Variants in UHRF2 observed in about 807,000 individuals in gnomAD.
UHRF2 encodes E3 ubiquitin-protein ligase UHRF2.
Under a neutral mutation model 96.8 loss-of-function variants are expected in UHRF2, and 23 were observed. That is an observed-to-expected ratio of 0.24 (90% CI 0.17 to 0.34). The LOEUF is 0.34. UHRF2 is among the 10% of genes least tolerant of loss of function. The pLI, the probability that UHRF2 is intolerant of heterozygous loss-of-function variation, is 1.00. For synonymous variants in UHRF2, 385 were observed against 332.6 expected, an observed-to-expected ratio of 1.16 and a Z score of -1.72; for missense variants, 685 against 981.5, an observed-to-expected ratio of 0.70 and a Z score of 4.04.
chr9:6,426,927 T>G (rs1820292385), intron 2 of UHRF2, among the ~76,000 whole-genome samples: 1 of 152,020 alleles, frequency 6.6e-6, no homozygotes, highest in Non-Finnish European at 1.5e-5. Flanking sequence ...TTTTGTACTT[T>G]CAGTAGAGAC....
At position 6,414,545 on chromosome 9, in the gene UHRF2, T is replaced by C. The variant is rs1193928312; in HGVS notation, c.153+902T>C. Among the ~76,000 whole-genome samples the C allele has an allele frequency of 2.6e-5, 4 of 152,296 alleles. No individual in the cohort carries two copies. In the East Asian group the frequency reaches 7.7e-4, roughly 29 times the overall value. On this transcript the variant is annotated intron_variant, in intron 1 of 15. Transcript: ENST00000276893. ...TATTCCACAAGTCTCTTACAATCTA[T>C]ATCCCTAGCCACTCAGACCCATCGT...
At chr9:6,417,536 C>T (rs1227362114) in intron 1 of UHRF2, among the ~76,000 whole-genome samples, 1 of 152,180 alleles carries the variant, frequency 6.6e-6, no homozygotes, top group Admixed American at 6.5e-5. Context: ...TAAATCATCT[C>T]AACACTTCAC....
At position 6,497,253 on chromosome 9, in the gene UHRF2, C is replaced by A. The variant is rs764537225; in HGVS notation, c.1660C>A (p.Arg554=). ...PLDDKIGAES[R]NWRAGKPVRV... The stretch of plus-strand genomic sequence containing the variant: ...GGATGATAAAATTGGAGCAGAGTCT[C>A]GGAATTGGAGAGCTGGTAAGCCAGT... The change falls in exon 11 of 16, where the codon CGG becomes AGG. Residue 554 remains arginine, a synonymous_variant. Coordinates refer to ENST00000276893, the MANE Select transcript of UHRF2 (RefSeq NM_152896.3). The A allele has an allele frequency of 1.2e-6, 2 of 1,613,794 alleles. No individual in the cohort carries two copies. The highest frequency in any genetic ancestry group is 1.7e-6 in the Non-Finnish European group (2 of 1,179,914).
In UHRF2 at chr9:6,498,034, CAG is replaced by C; in HGVS notation, c.1788_1789del (p.Glu596AspfsTer18). 1 of 1,612,748 alleles carries C rather than the reference CAG, an allele frequency of 6.2e-7. No homozygotes were observed. The highest frequency in any genetic ancestry group is 1.1e-5 in the South Asian group (1 of 91,000). ...GTGATTTAGGTGGTGAAATACTGGCCAGAGATTTCATCAAGCCATGGATTCTT... is the reference window on the plus strand; with the variant it reads ...GTGATTTAGGTGGTGAAATACTGGCCAGATTTCATCAAGCCATGGATTCTT... On this transcript the variant is annotated frameshift_variant, in exon 12 of 16. Transcript: ENST00000276893. LOFTEE classifies it high-confidence loss of function.
rs1015687375 is a variant in UHRF2, at chr9:6,483,690, TTTTG to T, written c.1392+1604_1392+1607del. On this transcript the variant is annotated intron_variant, in intron 8 of 15. Coordinates refer to ENST00000276893, the MANE Select transcript of UHRF2 (RefSeq NM_152896.3). Reference sequence around the variant, plus strand: ...TAAAAACGCGCCCTACTTTTATCTTTTTTGTTTGTTTGTTTGGAGACAGAGTTTC... The same window carrying T: ...TAAAAACGCGCCCTACTTTTATCTTTTTTGTTTGTTTGGAGACAGAGTTTC... Among the ~76,000 whole-genome samples the T allele has an allele frequency of 3.3e-5, 5 of 152,330 alleles. No individual in the cohort carries two copies. In the South Asian group the frequency reaches 6.2e-4, roughly 19 times the overall value.
chr9:6,434,806 A>G (rs1484664557), intron 3 of UHRF2, among the ~76,000 whole-genome samples: 7 of 151,954 alleles, frequency 4.6e-5, no homozygotes, highest in Admixed American at 4.6e-4. Flanking sequence ...ATGTAGTGTA[A>G]TAGCATTAGA....
At position 6,444,637 on chromosome 9, in the gene UHRF2, T is replaced by C. The variant is rs191054311; in HGVS notation, c.644+10464T>C. ...TTTGGTTTAGACTGAGTCTTGCTCTTGTTGCTTAGGCTGGAGTACAATGGC... is the reference window on the plus strand; with the variant it reads ...TTTGGTTTAGACTGAGTCTTGCTCTCGTTGCTTAGGCTGGAGTACAATGGC... On this transcript the variant is annotated intron_variant, in intron 3 of 15. Coordinates refer to ENST00000276893, the MANE Select transcript of UHRF2 (RefSeq NM_152896.3). Among the ~76,000 whole-genome samples, 348 of 152,298 alleles carry C rather than the reference T, an allele frequency of 2.3e-3. 1 individual carries two copies. Among genetic ancestry groups the C allele is most frequent in the African/African-American group, 7.5e-3 (310 of 41,556 alleles).
intron 3 of UHRF2, among the ~76,000 whole-genome samples, chr9:6,435,176 T>G (rs538000840): frequency 3.9e-5 from 6 of 152,190 alleles, no homozygotes; most frequent in African/African-American, 1.4e-4. Flanking sequence ...GTATTTTTAC[T>G]AGATATGGGG....
chr9:6,445,985 T>TTTTTTTTG lies in UHRF2; in HGVS notation c.644+11819_644+11820insGTTTTTTT, dbSNP rs1563762306. On this transcript the variant is annotated intron_variant, in intron 3 of 15. Transcript: ENST00000276893. ...TACTCTTCCCCCCCCGCCACCCTTT[T>TTTTTTTTG]TTTTTTTTTTTTTTTCCTGTTTTTG... Among the ~76,000 whole-genome samples the TTTTTTTTG allele has an allele frequency of 1.6e-4, 14 of 86,872 alleles. 1 individual carries two copies. The highest frequency in any genetic ancestry group is 7.4e-4 in the African/African-American group (14 of 18,908). 57.0% of individuals were successfully genotyped at this position (86,872 alleles called of 152,430 possible).
At chr9:6,482,572 G>A (rs142993712) in intron 8 of UHRF2, among the ~76,000 whole-genome samples, 100 of 150,412 alleles carry the variant, frequency 6.6e-4, no homozygotes, top group South Asian at 2.5e-3. Flanking sequence ...AGACACCCAG[G>A]ATTCTGAATA....
intron 8 of UHRF2, chr9:6,484,774 T>TTCAC (rs1824162113): frequency 6.8e-6 from 1 of 147,680 alleles, no homozygotes; most frequent in African/African-American, 2.5e-5. Context: ...TTTAGTTGTA[T>TTCAC]TCACTTCTTT....
chr9:6,465,231 T>C (rs530130731), intron 4 of UHRF2, among the ~76,000 whole-genome samples: 1 of 152,342 alleles, frequency 6.6e-6, no homozygotes, highest in African/African-American at 2.4e-5. Context: ...TAGATTTGGT[T>C]TGACAGTGTT....
intron 3 of UHRF2, among the ~76,000 whole-genome samples, chr9:6,434,681 T>A (rs779343728): frequency 6.6e-6 from 1 of 152,154 alleles, no homozygotes; most frequent in African/African-American, 2.4e-5. Flanking sequence ...TCAAGTGATC[T>A]GCCCCCCTTG....
chr9:6,467,965 T>G (rs1190897321), intron 4 of UHRF2, among the ~76,000 whole-genome samples: 2 of 152,200 alleles, frequency 1.3e-5, no homozygotes, highest in Non-Finnish European at 2.9e-5. Flanking sequence ...TATTTGAAGG[T>G]GTTCCTTAGA....
intron 3 of UHRF2, among the ~76,000 whole-genome samples, chr9:6,455,594 A>G (rs1315851299): frequency 6.6e-6 from 1 of 152,164 alleles, no homozygotes; most frequent in Admixed American, 6.5e-5. Context: ...TGCTGCAGTG[A>G]GCATACTTGA....
At chr9:6,461,520 A>AT (rs1308097545) in intron 4 of UHRF2, among the ~76,000 whole-genome samples, 11 of 151,246 alleles carry the variant, frequency 7.3e-5, no homozygotes, top group Middle Eastern at 3.4e-3. Flanking sequence ...CTACAGGCGT[A>AT]TGACACCACG....
intron 3 of UHRF2, among the ~76,000 whole-genome samples, chr9:6,441,925 T>A (rs1439032291): frequency 6.6e-6 from 1 of 152,270 alleles, no homozygotes; most frequent in Middle Eastern, 3.4e-3. Flanking sequence ...ATGGGGAAAT[T>A]TGTCTGTTAA....
At chr9:6,505,782 A>G (rs1816550848) in intron 15 of UHRF2, among the ~76,000 whole-genome samples, 1 of 152,338 alleles carries the variant, frequency 6.6e-6, no homozygotes, top group South Asian at 2.1e-4. Flanking sequence ...TAACTCCACC[A>G]TTTTAGTAGA....
rs1270406922 is a variant in UHRF2, at chr9:6,501,745, CAG to C, written c.2163+1039_2163+1040del. On this transcript the variant is annotated intron_variant, in intron 14 of 15. Transcript: ENST00000276893. ...TTTAGCCAAGACACCCAGGCGTAAG[CAG>C]AGTCTGACTTTGTTAGGTCACACTC... Among the ~76,000 whole-genome samples the C allele has an allele frequency of 2.6e-5, 4 of 152,196 alleles. No individual in the cohort carries two copies. In the East Asian group the frequency reaches 5.8e-4, roughly 22 times the overall value.
Sources: gnomAD v4.1 joint callset for allele counts (sites outside exome capture counted in the v4.1 genomes callset) on GRCh38, gnomAD v4.1.1 for gene constraint, MANE v1.5 for transcripts, NCBI Gene and HGNC (gene_info 2026-07-23, HGNC 2026-07-21) for gene names.